Variants in KMT2C observed in about 807,000 individuals in gnomAD.
KMT2C encodes the protein lysine methyltransferase 2C.
KMT2C carries 88 observed loss-of-function variants against 507.9 expected under a neutral mutation model. The observed-to-expected ratio is 0.17, with a 90% CI of 0.15 to 0.21. KMT2C has a LOEUF of 0.21. Among genes scored for constraint, KMT2C ranks in the 10% least tolerant of loss-of-function variants. KMT2C has a pLI of 1.00. For missense variants in KMT2C, 4,954 were observed against 5,957.8 expected (o/e 0.83, Z 5.55); for synonymous variants, 2,049 against 2,080.8 (o/e 0.98, Z 0.42).
intron 2 of KMT2C, among the ~76,000 whole-genome samples, chr7:152,356,037 C>T (rs2097148537): frequency 6.6e-6 from 1 of 152,002 alleles, no homozygotes; most frequent in South Asian, 2.1e-4. Context: ...ATGGAAGACA[C>T]AAGCAGAGGA....
intron 9 of KMT2C, among the ~76,000 whole-genome samples, chr7:152,260,695 C>T (rs1409544097): frequency 2.6e-5 from 4 of 152,064 alleles, no homozygotes; most frequent in Non-Finnish European, 4.4e-5. Context: ...GTTCTTATAG[C>T]CTAAAGGGAA....
At chr7:152,340,046 C>G (rs1207228691) in intron 2 of KMT2C, among the ~76,000 whole-genome samples, 1 of 151,746 alleles carries the variant, frequency 6.6e-6, no homozygotes, top group Non-Finnish European at 1.5e-5. Context: ...TACAGTGGCA[C>G]AATCATAGCT....
chr7:152,244,824 A>G (rs2095443301), intron 14 of KMT2C, among the ~76,000 whole-genome samples: 2 of 152,220 alleles, frequency 1.3e-5, no homozygotes, highest in Admixed American at 6.5e-5. Flanking sequence ...CATACATTTG[A>G]GATATATTTG....
chr7:152,391,235 T>G (rs2097494474), intron 1 of KMT2C, among the ~76,000 whole-genome samples: 3 of 147,390 alleles, frequency 2.0e-5, no homozygotes, highest in Non-Finnish European at 4.5e-5. Flanking sequence ...TCGTTGTTTG[T>G]TTTTTGTTTG....
At chr7:152,370,443 T>C (rs1215714014) in intron 1 of KMT2C, among the ~76,000 whole-genome samples, 1 of 152,156 alleles carries the variant, frequency 6.6e-6, no homozygotes, top group African/African-American at 2.4e-5. Context: ...CACTTTAAGA[T>C]GATGTAACAC....
At chr7:152,250,786 T>A (rs572087072) in intron 12 of KMT2C, 67 bp downstream of exon 12, 1 of 850,786 alleles carries the variant, frequency 1.2e-6, no homozygotes, top group South Asian at 1.5e-5. Flanking sequence ...TTTTAGTCAA[T>A]ATTCACATAT....
At position 152,249,921 on chromosome 7, in the gene KMT2C, T is replaced by C; in HGVS notation, c.1768A>G (p.Ser590Gly). 1 of 1,610,786 alleles carries C rather than the reference T, an allele frequency of 6.2e-7. No individual in the cohort carries two copies. The highest frequency in any genetic ancestry group is 8.5e-7 in the Non-Finnish European group (1 of 1,177,376). The change falls in exon 13 of 59, where the codon AGT (serine) becomes GGT (glycine). Residue 590 changes from serine (S) to glycine (G), a missense_variant. Around this residue, in one of 29 missense-constraint regions of KMT2C, gnomAD observed 376 missense variants for 352.4 expected, o/e 1.07. Transcript: ENST00000262189. ...GTGTCAAGACTTTCTGAGGGATGAC[T>C]CTTCTGTTGCTCTTCAGTGTGGACT... ...VQVHTEEQQK[S>G]HPSESLDTDS...
intron 3 of KMT2C, among the ~76,000 whole-genome samples, chr7:152,316,453 TAC>T (rs1469156568): frequency 6.6e-6 from 1 of 152,082 alleles, no homozygotes; most frequent in Non-Finnish European, 1.5e-5. Context: ...ACAATCAATA[TAC>T]ATATATAGAA....
chr7:152,147,707 C>CAAAAAAAAAAAA (rs762588729), intron 52 of KMT2C, among the ~76,000 whole-genome samples: 90 of 46,178 alleles, frequency 1.9e-3, no homozygotes, highest in Non-Finnish European at 2.9e-3. Context: ...AACTCCGTCT[C>CAAAAAAAAAAAA]AAAAAAAAAA....
At chr7:152,328,511 G>C (rs1237324772) in intron 3 of KMT2C, among the ~76,000 whole-genome samples, 6 of 152,134 alleles carry the variant, frequency 3.9e-5, no homozygotes, top group African/African-American at 1.4e-4. Context: ...GAGAGAGGCA[G>C]TCAGGAACAG....
chr7:152,201,616 T>TGAA (rs2094144073), intron 26 of KMT2C, among the ~76,000 whole-genome samples: 2 of 10,690 alleles, frequency 1.9e-4, no homozygotes, highest in Non-Finnish European at 4.1e-4. Flanking sequence ...ACAACAAAGA[T>TGAA]GAAAAAAAAA....
At chr7:152,174,039 G>A in intron 39 of KMT2C, 92 bp downstream of exon 39, 1 of 688,452 alleles carries the variant, frequency 1.5e-6, no homozygotes, top group South Asian at 1.9e-5. Context: ...CTAGACAAGG[G>A]CTTTCCATTT....
At chr7:152,192,267 G>A (rs1563332875) in intron 31 of KMT2C, among the ~76,000 whole-genome samples, 2 of 152,304 alleles carry the variant, frequency 1.3e-5, no homozygotes, top group Middle Eastern at 6.8e-3. Flanking sequence ...TGGGGGCTGG[G>A]CGCGGTGGCT....
intron 1 of KMT2C, among the ~76,000 whole-genome samples, chr7:152,434,056 T>C (rs374501528): frequency 3.3e-5 from 5 of 152,244 alleles, no homozygotes; most frequent in Admixed American, 2.0e-4. Flanking sequence ...AACCCCAATA[T>C]GGCTTGTCCT....
intron 18 of KMT2C, among the ~76,000 whole-genome samples, chr7:152,225,761 G>T (rs2094910387): frequency 6.6e-6 from 1 of 152,180 alleles, no homozygotes; most frequent in Non-Finnish European, 1.5e-5. Flanking sequence ...AGAAGGGAAT[G>T]TCTAGAAGGA....
intron 1 of KMT2C, among the ~76,000 whole-genome samples, chr7:152,373,628 CTAA>C (rs1324640990): frequency 1.3e-5 from 2 of 152,172 alleles, no homozygotes; most frequent in Non-Finnish European, 2.9e-5. Context: ...GAAAATATCA[CTAA>C]TGTCTACTTA....
rs551454366 is a variant in KMT2C, at chr7:152,209,239, G to T, written c.3713-1811C>A. 4.6e-5 allele frequency among the ~76,000 whole-genome samples: 7 copies of T among 151,484 alleles called. No individual in the cohort carries two copies. In the East Asian group the frequency reaches 1.4e-3, roughly 29 times the overall value. On this transcript the variant is annotated intron_variant, in intron 23 of 58. Transcript: ENST00000262189. The stretch of plus-strand genomic sequence containing the variant: ...TGGGAGGCCGAGGCGGGCAGATCAC[G>T]AGGTCAGGAGATCGAGACCATCCTG...
At chr7:152,245,376 C>A (rs1354449348) in intron 14 of KMT2C, among the ~76,000 whole-genome samples, 10 of 152,106 alleles carry the variant, frequency 6.6e-5, no homozygotes, top group African/African-American at 2.4e-4. Flanking sequence ...ATGCAGCTAG[C>A]CAGAACTGAT....
At chr7:152,139,837 CT>C in intron 55 of KMT2C, 46 bp from the exon 56 acceptor site, 1 of 1,373,950 alleles carries the variant, frequency 7.3e-7, no homozygotes, top group Non-Finnish European at 1.0e-6. Context: ...GACAACAAGT[CT>C]TTTTTCTGTT....
Sources: gnomAD v4.1 joint callset for allele counts (sites outside exome capture counted in the v4.1 genomes callset) on GRCh38, gnomAD v4.1.1 for gene constraint, gnomAD v4.1.1 regional missense constraint, MANE v1.5 for transcripts, NCBI Gene and HGNC (gene_info 2026-07-23, HGNC 2026-07-21) for gene names.